Variants in RGS8 observed in about 807,000 individuals in gnomAD.
RGS8 encodes regulator of G protein signaling 8, also known as regulator of G-protein signaling 8.
In RGS8, 8 loss-of-function variants were observed where a neutral mutation model predicts 21.7. That is an observed-to-expected ratio of 0.37 (90% CI 0.22 to 0.66). The LOEUF is 0.66. Among genes scored for constraint, RGS8 ranks in the 30% least tolerant of loss-of-function variants. The pLI is 0.59. For synonymous variants in RGS8, 80 were observed against 83.6 expected, an observed-to-expected ratio of 0.96 and a Z score of 0.24; for missense variants, 157 against 217.9, an observed-to-expected ratio of 0.72 and a Z score of 1.76.
At chr1:182,654,341 T>G (rs957178004) in intron 5 of RGS8, among the ~76,000 whole-genome samples, 2 of 152,166 alleles carry the variant, frequency 1.3e-5, no homozygotes, top group African/African-American at 4.8e-5. Flanking sequence ...GTGAAAGAAC[T>G]TCTTTTCCTT....
At chr1:182,664,754 C>G (rs1243673930) in intron 5 of RGS8, among the ~76,000 whole-genome samples, 1 of 152,198 alleles carries the variant, frequency 6.6e-6, no homozygotes, top group Non-Finnish European at 1.5e-5. Flanking sequence ...GTGCAATCCA[C>G]AGAATACTAA....
chr1:182,666,832 C>T (rs776182884), intron 4 of RGS8, 40 bp downstream of exon 5: 6 of 1,454,846 alleles, frequency 4.1e-6, no homozygotes, highest in African/African-American at 2.8e-5. Flanking sequence ...ATATGACTTG[C>T]TGTATTACCC....
At chr1:182,669,053 C>A (rs958838765) in intron 3 of RGS8, among the ~76,000 whole-genome samples, 3 of 152,158 alleles carry the variant, frequency 2.0e-5, no homozygotes, top group African/African-American at 7.2e-5. Context: ...TTAGCAGGGA[C>A]CAGTGTAAAG....
exon 5 of RGS8, chr1:182,666,022 G>A: frequency 6.2e-7 from 1 of 1,613,660 alleles, no homozygotes; most frequent in Non-Finnish European, 8.5e-7. Flanking sequence ...AGCTTCTTCT[G>A]TCGATAATCT....
At chr1:182,669,717 C>A in exon 3 of RGS8, 1 of 1,611,198 alleles carries the variant, frequency 6.2e-7, no homozygotes, top group Non-Finnish European at 8.5e-7. Flanking sequence ...AATAAGACTG[C>A]GGGGCTCAGG....
chr1:182,668,446 C>T (rs1388231455), intron 3 of RGS8, among the ~76,000 whole-genome samples: 1 of 152,182 alleles, frequency 6.6e-6, no homozygotes, highest in African/African-American at 2.4e-5. Flanking sequence ...AGAGGTCGTC[C>T]AATTCAATCT....
chr1:182,678,907 A>G (rs1374431909), intron 1 of RGS8, among the ~76,000 whole-genome samples: 1 of 152,120 alleles, frequency 6.6e-6, no homozygotes, highest in African/African-American at 2.4e-5. Context: ...AAGATCATCA[A>G]GGCCTCAGGT....
chr1:182,720,956 T>TACATATGTGTGTATATATACATATATAC, the RGS8 span, among the ~76,000 whole-genome samples: 6 of 47,774 alleles, frequency 1.3e-4, no homozygotes, highest in Non-Finnish European at 2.5e-4. Context: ...CATATATACA[T>TACATATGTGTGTATATATACATATATAC]ACATATGTGT....
intron 5 of RGS8, among the ~76,000 whole-genome samples, chr1:182,659,624 G>T (rs528226503): frequency 6.6e-6 from 1 of 152,066 alleles, no homozygotes; most frequent in East Asian, 1.9e-4. Flanking sequence ...GCTTGAACCC[G>T]GGAGGCAAAG....
the RGS8 span, among the ~76,000 whole-genome samples, chr1:182,735,658 A>T: frequency 4.6e-5 from 7 of 152,178 alleles, no homozygotes; most frequent in Non-Finnish European, 7.4e-5. Context: ...TTTGCCAAGA[A>T]CCAGTCCTGT....
chr1:182,698,117 T>G, the RGS8 span, among the ~76,000 whole-genome samples: 1 of 152,220 alleles, frequency 6.6e-6, no homozygotes, highest in Non-Finnish European at 1.5e-5. Flanking sequence ...TGTTTCTCCC[T>G]TCCCCTGCTA....
At chr1:182,709,676 A>G in the RGS8 span, among the ~76,000 whole-genome samples, 1 of 152,130 alleles carries the variant, frequency 6.6e-6, no homozygotes, top group Non-Finnish European at 1.5e-5. Context: ...CTGACACACT[A>G]TTTCTATTCC....
intron 5 of RGS8, among the ~76,000 whole-genome samples, chr1:182,657,203 C>T (rs2102419697): frequency 6.6e-6 from 1 of 151,966 alleles, no homozygotes; most frequent in Non-Finnish European, 1.5e-5. Flanking sequence ...CACTGTTTCT[C>T]CCCTTCCATC....
the RGS8 span, among the ~76,000 whole-genome samples, chr1:182,730,228 A>G: frequency 6.6e-6 from 1 of 152,158 alleles, no homozygotes; most frequent in Non-Finnish European, 1.5e-5. Flanking sequence ...TAAGACACTC[A>G]TTCACTCTAA....
chr1:182,665,947 A>G, intron 5 of RGS8, 22 bp downstream of exon 6: 2 of 1,598,902 alleles, frequency 1.3e-6, no homozygotes, highest in Non-Finnish European at 1.7e-6. Flanking sequence ...CCATGTCATG[A>G]TACGACCTGA....
chr1:182,662,803 C>T (rs992096728), intron 5 of RGS8, among the ~76,000 whole-genome samples: 1 of 152,172 alleles, frequency 6.6e-6, no homozygotes, highest in East Asian at 1.9e-4. Flanking sequence ...ATGGACTGTG[C>T]CTTGTTCATC....
upstream of RGS8, among the ~76,000 whole-genome samples, chr1:182,687,140 C>T (rs1278267808): frequency 6.6e-6 from 1 of 151,878 alleles, no homozygotes; most frequent in Non-Finnish European, 1.5e-5. Flanking sequence ...GATTTCTGGC[C>T]CCCACTCCCA....
At chr1:182,723,811 T>C in the RGS8 span, among the ~76,000 whole-genome samples, 2 of 152,160 alleles carry the variant, frequency 1.3e-5, no homozygotes, top group African/African-American at 4.8e-5. Context: ...GATTAAACTG[T>C]ATTTTACTTA....
upstream of RGS8, among the ~76,000 whole-genome samples, chr1:182,676,740 C>G (rs923732147): frequency 2.0e-5 from 3 of 152,068 alleles, no homozygotes; most frequent in East Asian, 5.8e-4. Flanking sequence ...CAAAGAAAAC[C>G]AAGAAGCACA....
Sources: allele counts gnomAD v4.1 joint callset (sites outside exome capture counted in the v4.1 genomes callset), GRCh38; gene constraint gnomAD v4.1.1; transcripts MANE v1.5; gene names NCBI Gene and HGNC (gene_info 2026-07-23, HGNC 2026-07-21).